The following ANKFN1 variants were observed in gnomAD, a reference collection of about 807,000 sequenced individuals.
ANKFN1 encodes the protein ankyrin repeat and fibronectin type-III domain-containing protein 1.
Under a neutral mutation model 108.7 loss-of-function variants are expected in ANKFN1, and 74 were observed. That is an observed-to-expected ratio of 0.68 (90% CI 0.56 to 0.83). ANKFN1 has a LOEUF of 0.83. ANKFN1 is among the 40% of genes least tolerant of loss of function. ANKFN1 has a pLI of 0.00. For missense variants in ANKFN1, 1,505 were observed against 1,382.3 expected, an observed-to-expected ratio of 1.09 and a Z score of -1.41; for synonymous variants, 547 against 516.2, an observed-to-expected ratio of 1.06 and a Z score of -0.81.
intron 1 of ANKFN1, among the ~76,000 whole-genome samples, chr17:56,196,999 G>A (rs1353052903): frequency 1.3e-5 from 2 of 152,110 alleles, no homozygotes; most frequent in Non-Finnish European, 2.9e-5. Flanking sequence ...CTTTACTATT[G>A]GATATTTCCT....
intron 1 of ANKFN1, among the ~76,000 whole-genome samples, chr17:56,207,345 T>C (rs1914623919): frequency 6.6e-6 from 1 of 152,198 alleles, no homozygotes; most frequent in Non-Finnish European, 1.5e-5. Context: ...CACACTGTGT[T>C]TGAGAACCAC....
chr17:56,291,642 A>C (rs1437021980), intron 3 of ANKFN1, among the ~76,000 whole-genome samples: 3 of 152,250 alleles, frequency 2.0e-5, no homozygotes, highest in Admixed American at 1.3e-4. Context: ...TCTCTTGTGA[A>C]CTTGGCCTGT....
chr17:56,179,021 C>T (rs1911432194), intron 1 of ANKFN1, among the ~76,000 whole-genome samples: 4 of 152,120 alleles, frequency 2.6e-5, no homozygotes, highest in South Asian at 2.1e-4. Flanking sequence ...TGCAGAATAA[C>T]TGCTAAAGAA....
intron 20 of ANKFN1, 109 bp downstream of exon 20, chr17:56,499,207 A>T (rs2051292174): frequency 1.9e-6 from 2 of 1,061,126 alleles, no homozygotes; most frequent in Non-Finnish European, 2.7e-6. Context: ...GTGGATGAAA[A>T]CACTGCTCAG....
chr17:56,295,420 T>C (rs1053380572), intron 3 of ANKFN1, among the ~76,000 whole-genome samples: 3 of 152,216 alleles, frequency 2.0e-5, no homozygotes, highest in Non-Finnish European at 4.4e-5. Context: ...CAGTATCACC[T>C]GGGAATCTTG....
At chr17:56,162,321 T>C (rs1365123373) in intron 1 of ANKFN1, among the ~76,000 whole-genome samples, 1 of 152,246 alleles carries the variant, frequency 6.6e-6, no homozygotes, top group African/African-American at 2.4e-5. Context: ...CGAAATTTAT[T>C]GTCTCTCAGT....
At chr17:56,493,038 G>A (rs1466691748) in intron 19 of ANKFN1, among the ~76,000 whole-genome samples, 5 of 152,070 alleles carry the variant, frequency 3.3e-5, no homozygotes, top group African/African-American at 1.2e-4. Flanking sequence ...GAGTAGAATA[G>A]CAATAGCCCC....
At chr17:56,146,817 G>C (rs1908289649) in intron 4 of ANKFN1, among the ~76,000 whole-genome samples, 2 of 152,214 alleles carry the variant, frequency 1.3e-5, no homozygotes, top group Admixed American at 1.3e-4. Flanking sequence ...TCGTTGTCTT[G>C]GTGATTAACT....
chr17:56,463,410 T>C (rs2049976010), intron 14 of ANKFN1, among the ~76,000 whole-genome samples: 1 of 152,050 alleles, frequency 6.6e-6, no homozygotes, highest in Non-Finnish European at 1.5e-5. Flanking sequence ...GACAAAATTT[T>C]AAAGAGAAAA....
At chr17:56,345,106 A>T (rs2046062287) in intron 4 of ANKFN1, among the ~76,000 whole-genome samples, 1 of 151,798 alleles carries the variant, frequency 6.6e-6, no homozygotes, top group Non-Finnish European at 1.5e-5. Context: ...ATGTGTTCTC[A>T]TTGTTCAACC....
intron 18 of ANKFN1, among the ~76,000 whole-genome samples, chr17:56,486,235 T>C (rs17760172): frequency 0.018 from 2,772 of 152,330 alleles, 27 homozygotes; most frequent in Non-Finnish European, 0.028. Context: ...ATATCATTGG[T>C]AATCCAACTG....
chr17:56,422,492 TA>T (rs1567989499), intron 8 of ANKFN1, among the ~76,000 whole-genome samples: 1 of 151,340 alleles, frequency 6.6e-6, no homozygotes, highest in African/African-American at 2.4e-5. Flanking sequence ...CACACGCACA[TA>T]CACACACACA....
Position 56,510,640 on chromosome 17 carries a change from G to C in ANKFN1, c.2812G>C (p.Asp938His). The change falls in exon 21 of 21, where the codon GAC (aspartate) becomes CAC (histidine). Residue 938 changes from aspartate to histidine, a missense_variant. Coordinates refer to ENST00000682825, the MANE Select transcript of ANKFN1 (RefSeq NM_001370326.1). ...TAGCGGCCTAAGCGGCAGCGCCCCC[G>C]ACGTCCTGCAAGTGCACGACGTGAA... is the stretch of plus-strand genomic sequence containing the variant. Reference protein sequence around the residue: ...TLSGLSGSAPDVLQVHDVKTP... With the variant: ...TLSGLSGSAPHVLQVHDVKTP... 1 of 1,536,158 alleles carries C rather than the reference G, an allele frequency of 6.5e-7. No individual in the cohort carries two copies. Among genetic ancestry groups the C allele is most frequent in the South Asian group, 1.2e-5 (1 of 84,068 alleles).
At chr17:56,495,533 A>G (rs546628305) in intron 19 of ANKFN1, among the ~76,000 whole-genome samples, 1 of 152,268 alleles carries the variant, frequency 6.6e-6, no homozygotes, top group South Asian at 2.1e-4. Context: ...AAGGGAGTCT[A>G]TGTAAATACA....
intron 4 of ANKFN1, 39 bp downstream of exon 4, chr17:56,326,394 T>C (rs769786050): frequency 1.3e-6 from 2 of 1,585,526 alleles, no homozygotes; most frequent in East Asian, 2.2e-5. Flanking sequence ...CATGTGAATA[T>C]GGAGCTTTCT....
At chr17:56,050,887 A>G (rs1397704442) in intron 4 of ANKFN1, among the ~76,000 whole-genome samples, 1 of 151,270 alleles carries the variant, frequency 6.6e-6, no homozygotes, top group Non-Finnish European at 1.5e-5. Context: ...GAACCTCTGA[A>G]TAGACCAATA....
chr17:56,168,499 T>A (rs1047132210), intron 1 of ANKFN1, among the ~76,000 whole-genome samples: 2 of 152,222 alleles, frequency 1.3e-5, no homozygotes, highest in Non-Finnish European at 2.9e-5. Flanking sequence ...CACTAAATAA[T>A]TTAAATAAGA....
chr17:56,070,482 A>G (rs749081168), intron 4 of ANKFN1, among the ~76,000 whole-genome samples: 9 of 152,216 alleles, frequency 5.9e-5, no homozygotes, highest in Admixed American at 2.0e-4. Context: ...TCCTCAATTC[A>G]GAATAATCTA....
chr17:56,501,282 C>T (rs113389975), intron 20 of ANKFN1, among the ~76,000 whole-genome samples: 11 of 152,240 alleles, frequency 7.2e-5, no homozygotes, highest in African/African-American at 2.6e-4. Flanking sequence ...GGATTTTATC[C>T]CGCTTGTGAT....
Sources: allele counts gnomAD v4.1 joint callset (sites outside exome capture counted in the v4.1 genomes callset), GRCh38; gene constraint gnomAD v4.1.1; transcripts MANE v1.5; gene names NCBI Gene and HGNC (gene_info 2026-07-23, HGNC 2026-07-21).